Variants in PCDH15 observed in about 807,000 individuals in gnomAD.
PCDH15 encodes protocadherin related 15.
In PCDH15, 129 loss-of-function variants were observed where a neutral mutation model predicts 178.5. That is an observed-to-expected ratio of 0.72 (90% CI 0.63 to 0.84). The LOEUF (loss-of-function observed/expected upper bound fraction) is 0.84. Ranked by LOEUF, PCDH15 falls within the 40% of genes least tolerant of loss-of-function variation. The probability of loss-of-function intolerance (pLI) is 0.00; values close to 1 mark genes in which losing one functional copy is unlikely to be tolerated. For missense variants in PCDH15, 2,230 were observed against 2,099.9 expected (o/e 1.06, Z -1.21); for synonymous variants, 800 against 732.0 (o/e 1.09, Z -1.50).
chr10:53,843,700 A>T (rs995236965), intron 28 of PCDH15, among the ~76,000 whole-genome samples: 1 of 152,134 alleles, frequency 6.6e-6, no homozygotes, highest in Non-Finnish European at 1.5e-5. Flanking sequence ...TGATAAAAAA[A>T]GTCTTCATAT....
chr10:54,493,854 A>G (rs1335040797), intron 3 of PCDH15, among the ~76,000 whole-genome samples: 2 of 152,158 alleles, frequency 1.3e-5, no homozygotes, highest in Non-Finnish European at 1.5e-5. Context: ...CAACAATGAT[A>G]GACTGGATTA....
intron 2 of PCDH15, among the ~76,000 whole-genome samples, chr10:55,332,805 C>T (rs778350355): frequency 2.6e-5 from 4 of 152,148 alleles, no homozygotes; most frequent in Non-Finnish European, 4.4e-5. Flanking sequence ...ATGTAAGACA[C>T]GCCTTTCGCC....
At chr10:54,964,008 G>T (rs994399411) in intron 2 of PCDH15, among the ~76,000 whole-genome samples, 19 of 152,134 alleles carry the variant, frequency 1.2e-4, no homozygotes, top group Non-Finnish European at 7.3e-5. Context: ...AAAAGAATTA[G>T]GGACAGGTAA....
chr10:53,858,431 A>G (rs1402192964), intron 27 of PCDH15, among the ~76,000 whole-genome samples: 4 of 152,164 alleles, frequency 2.6e-5, no homozygotes, highest in Admixed American at 6.6e-5. Flanking sequence ...CAAATCCAAG[A>G]GCACATAACT....
At chr10:54,935,218 C>A (rs1837875370) in intron 2 of PCDH15, among the ~76,000 whole-genome samples, 1 of 151,972 alleles carries the variant, frequency 6.6e-6, no homozygotes, top group South Asian at 2.1e-4. Flanking sequence ...TACCCTAAAA[C>A]TTAAAGTATA....
chr10:55,478,386 C>T (rs1840105335), intron 2 of PCDH15, among the ~76,000 whole-genome samples: 1 of 151,580 alleles, frequency 6.6e-6, no homozygotes, highest in South Asian at 2.1e-4. Flanking sequence ...ACCAGCATAA[C>T]TTGAAATACT....
chr10:54,664,006 G>T (rs1302059284), intron 2 of PCDH15, among the ~76,000 whole-genome samples, 166 bp downstream of exon 2: 1 of 151,852 alleles, frequency 6.6e-6, no homozygotes, highest in Non-Finnish European at 1.5e-5. Flanking sequence ...AAGGACATCT[G>T]ATTTCACTTT....
At chr10:54,731,563 T>TATATATATATATATATATAC in intron 1 of PCDH15, among the ~76,000 whole-genome samples, 4 of 49,922 alleles carry the variant, frequency 8.0e-5, no homozygotes, top group Non-Finnish European at 1.6e-4. Flanking sequence ...TATATATATA[T>TATATATATATATATATATAC]ACACACACAC....
chr10:55,020,434 TA>T (rs1278978019), intron 2 of PCDH15, among the ~76,000 whole-genome samples: 3 of 151,896 alleles, frequency 2.0e-5, no homozygotes, highest in Non-Finnish European at 4.4e-5. Context: ...GCAAATTTTT[TA>T]ATGGGCTTTG....
At chr10:54,862,467 C>T (rs953501743) in intron 3 of PCDH15, among the ~76,000 whole-genome samples, 3 of 151,984 alleles carry the variant, frequency 2.0e-5, no homozygotes, top group Admixed American at 1.3e-4. Context: ...AGTTTTTATG[C>T]CCATTTGATC....
intron 1 of PCDH15, among the ~76,000 whole-genome samples, chr10:55,172,034 C>T (rs902261178): frequency 2.6e-5 from 4 of 151,902 alleles, no homozygotes; most frequent in Non-Finnish European, 5.9e-5. Flanking sequence ...ATAAACTCTT[C>T]CTGGTTGCTG....
chr10:55,237,717 C>T (rs1486311314), intron 1 of PCDH15, among the ~76,000 whole-genome samples: 5 of 151,870 alleles, frequency 3.3e-5, no homozygotes, highest in African/African-American at 1.2e-4. Flanking sequence ...CTTATTATGC[C>T]TTATTTTTTT....
chr10:54,370,207 C>T (rs900145254), intron 4 of PCDH15, among the ~76,000 whole-genome samples: 2 of 151,942 alleles, frequency 1.3e-5, no homozygotes, highest in East Asian at 3.9e-4. Context: ...TTGACCACTA[C>T]AAAGTATTTC....
intron 3 of PCDH15, among the ~76,000 whole-genome samples, chr10:54,883,325 T>G (rs1292438246): frequency 1.3e-5 from 2 of 152,046 alleles, no homozygotes; most frequent in Non-Finnish European, 2.9e-5. Context: ...AGAACTTCTA[T>G]AAGTATACAT....
chr10:54,244,224 C>T (rs1201869697), intron 8 of PCDH15, among the ~76,000 whole-genome samples: 1 of 152,082 alleles, frequency 6.6e-6, no homozygotes, highest in Non-Finnish European at 1.5e-5. Context: ...TATAATGTGA[C>T]TGAATTTGTT....
chr10:54,169,935 C>G (rs11498098), intron 13 of PCDH15, among the ~76,000 whole-genome samples: 105,957 of 147,798 alleles, frequency 0.72, 39,022 homozygotes, highest in Middle Eastern at 0.79. Context: ...CCACCCCGTG[C>G]TGCCAAACCC....
intron 18 of PCDH15, among the ~76,000 whole-genome samples, chr10:54,064,251 A>C (rs1033216078): frequency 6.6e-6 from 1 of 152,142 alleles, no homozygotes; most frequent in Non-Finnish European, 1.5e-5. Flanking sequence ...CGAAGAGGAA[A>C]TCTCCTCCCT....
At chr10:54,114,743 G>C (rs1169521297) in intron 15 of PCDH15, among the ~76,000 whole-genome samples, 1 of 152,078 alleles carries the variant, frequency 6.6e-6, no homozygotes, top group Non-Finnish European at 1.5e-5. Flanking sequence ...GAAAAACTAA[G>C]TCATGAGAAT....
chr10:55,512,207 T>C (rs1360861240), intron 2 of PCDH15, among the ~76,000 whole-genome samples: 3 of 152,274 alleles, frequency 2.0e-5, no homozygotes, highest in Admixed American at 2.0e-4. Context: ...AATGTCTTGC[T>C]ATAAAAAGTT....
Sources: allele counts gnomAD v4.1 joint callset (sites outside exome capture counted in the v4.1 genomes callset), GRCh38; gene constraint gnomAD v4.1.1; transcripts MANE v1.5; gene names NCBI Gene and HGNC (gene_info 2026-07-23, HGNC 2026-07-21).